EMC7: variants seen among roughly 807,000 people sequenced by gnomAD.
EMC7 encodes endoplasmic reticulum membrane protein complex subunit 7.
A neutral mutation model predicts 24.4 loss-of-function variants in EMC7; 4 were observed. The observed-to-expected ratio is 0.16, with a 90% CI of 0.08 to 0.38. EMC7 has a LOEUF of 0.38. Ranked by LOEUF, EMC7 falls within the 10% of genes least tolerant of loss-of-function variation. EMC7 has a pLI of 1.00. For synonymous variants in EMC7, 106 were observed against 112.0 expected (o/e 0.95, Z 0.34); for missense variants, 221 against 300.6 (o/e 0.74, Z 1.96).
chr15:34,094,642 C>T (rs570144813), intron 2 of EMC7, among the ~76,000 whole-genome samples: 23 of 151,708 alleles, frequency 1.5e-4, no homozygotes, highest in African/African-American at 5.6e-4. Flanking sequence ...GCAGAGGATG[C>T]AATGAGCCAA....
chr15:34,091,392 C>T (rs1223726490), intron 2 of EMC7, among the ~76,000 whole-genome samples: 2 of 151,922 alleles, frequency 1.3e-5, no homozygotes, highest in African/African-American at 4.8e-5. Flanking sequence ...CTTTATTTAC[C>T]TTTATTTAAG....
chr15:34,096,161 T>C, intron 1 of EMC7, 147 bp from the exon 2 acceptor site: 2 of 916,506 alleles, frequency 2.2e-6, no homozygotes, highest in East Asian at 2.8e-5. Context: ...AGTTGTCCTA[T>C]GCTTCAGTTT....
chr15:34,088,198 C>A (rs1900920520), intron 3 of EMC7, 65 bp from the exon 4 acceptor site: 1 of 1,310,360 alleles, frequency 7.6e-7, no homozygotes, highest in African/African-American at 1.5e-5. Context: ...ACAAAAACTG[C>A]ACTTAACAAC....
Position 34,101,689 on chromosome 15 carries a change from C to G in EMC7, c.151G>C (p.Ala51Pro). 6.2e-7 allele frequency: 1 copy of G among 1,613,860 alleles called. No homozygotes were observed. Among genetic ancestry groups the G allele is most frequent in the Non-Finnish European group, 8.5e-7 (1 of 1,179,982 alleles). Residue 51 changes from alanine (A) to proline (P), a missense_variant, in exon 1 of 5, where the codon GCA becomes CCA. Around this residue, in one of 2 missense-constraint regions of EMC7, gnomAD observed 156 missense variants for 177.1 expected, o/e 0.88. Coordinates refer to ENST00000256545, the MANE Select transcript of EMC7 (RefSeq NM_020154.3). ...IGDRFKIEGR[A>P]VVPGVKPQDW... ...TGAGGCTTCACCCCTGGAACAACTG[C>G]ACGCCCCTCAATCTTGAAGCGATCT...
chr15:34,093,438 TA>T (rs11325671), intron 2 of EMC7, among the ~76,000 whole-genome samples: 140,674 of 143,328 alleles, frequency 0.98, 69,042 homozygotes, highest in East Asian at 1. Flanking sequence ...TGTCTCAAAT[TA>T]AAAAAAAAAA....
At chr15:34,098,918 A>C (rs1475229666) in intron 1 of EMC7, among the ~76,000 whole-genome samples, 1 of 151,534 alleles carries the variant, frequency 6.6e-6, no homozygotes, top group Non-Finnish European at 1.5e-5. Context: ...AAATAACATA[A>C]AGTTTGCAAT....
intron 2 of EMC7, among the ~76,000 whole-genome samples, chr15:34,092,749 T>A (rs979506888): frequency 2.6e-5 from 4 of 152,164 alleles, no homozygotes; most frequent in African/African-American, 9.7e-5. Context: ...AGAACATGAA[T>A]CCCACTGCTG....
chr15:34,089,596 CCTTA>C (rs1900946691), intron 3 of EMC7, among the ~76,000 whole-genome samples: 1 of 152,162 alleles, frequency 6.6e-6, no homozygotes, highest in African/African-American at 2.4e-5. Flanking sequence ...AGGAAGAAAT[CCTTA>C]CTTGTGCTAT....
chr15:34,087,969 G>T, intron 4 of EMC7, 84 bp downstream of exon 4: 1 of 1,209,790 alleles, frequency 8.3e-7, no homozygotes, highest in Non-Finnish European at 1.2e-6. Flanking sequence ...CACTCAAACT[G>T]ATTGTGCCAC....
At chr15:34,097,554 T>C (rs1901096856) in intron 1 of EMC7, among the ~76,000 whole-genome samples, 1 of 152,136 alleles carries the variant, frequency 6.6e-6, no homozygotes, top group Non-Finnish European at 1.5e-5. Context: ...ATTAATTTGT[T>C]TGAAAAATGA....
chr15:34,094,658 C>A (rs1036395562), intron 2 of EMC7, among the ~76,000 whole-genome samples: 9 of 151,784 alleles, frequency 5.9e-5, no homozygotes, highest in East Asian at 3.9e-4. Context: ...GCCAAGATTG[C>A]GCCACTGCAC....
intron 1 of EMC7, among the ~76,000 whole-genome samples, chr15:34,097,036 C>CTTTTTTTTT (rs1320707154): frequency 5.5e-4 from 7 of 12,662 alleles, no homozygotes; most frequent in Non-Finnish European, 1.1e-3. Context: ...TTCTGTTCTT[C>CTTTTTTTTT]TTCTTTTTTT....
At chr15:34,100,210 G>A (rs1038320522) in intron 1 of EMC7, among the ~76,000 whole-genome samples, 3 of 152,262 alleles carry the variant, frequency 2.0e-5, no homozygotes, top group Admixed American at 1.3e-4. Flanking sequence ...ACATGATGGT[G>A]TCCGCCTGTA....
At chr15:34,089,164 C>T (rs760036980) in intron 3 of EMC7, among the ~76,000 whole-genome samples, 1 of 152,232 alleles carries the variant, frequency 6.6e-6, no homozygotes, top group East Asian at 1.9e-4. Context: ...CCTACTTAGA[C>T]AAATTCTAAG....
At chr15:34,086,748 A>G (rs991128029) in intron 4 of EMC7, among the ~76,000 whole-genome samples, 17 of 152,236 alleles carry the variant, frequency 1.1e-4, no homozygotes, top group Admixed American at 1.0e-3. Flanking sequence ...TTTTAATCAA[A>G]TGTGACTTCT....
chr15:34,088,067 G>T lies in EMC7; in HGVS notation c.562C>A (p.Pro188Thr). The change falls in exon 4 of 5, where the codon CCT (proline) becomes ACT (threonine). Residue 188 changes from proline (P) to threonine (T), a missense_variant. Pro to Thr is a conservative substitution (Grantham distance 38). Coordinates refer to ENST00000256545, the MANE Select transcript of EMC7 (RefSeq NM_020154.3). ...CATCATCTTACCCGTCTCATGTCAG[G>T]ATCACTTGTGTTGACCACTTTAGGC... ...LLPKVVNTSD[P>T]DMRREMEQSM... The T allele has an allele frequency of 6.2e-7, 1 of 1,609,974 alleles. No homozygotes were observed. The highest frequency in any genetic ancestry group is 8.5e-7 in the Non-Finnish European group (1 of 1,178,682).
intron 1 of EMC7, among the ~76,000 whole-genome samples, chr15:34,099,967 T>C (rs781389714): frequency 6.6e-6 from 1 of 152,180 alleles, no homozygotes; most frequent in Non-Finnish European, 1.5e-5. Flanking sequence ...TGTTCAAAAA[T>C]ATTAAGTGAA....
At chr15:34,090,665 C>T (rs76849149) in intron 2 of EMC7, among the ~76,000 whole-genome samples, 3,379 of 152,238 alleles carry the variant, frequency 0.022, 130 homozygotes, top group African/African-American at 0.077. Flanking sequence ...GAAAAAAACG[C>T]TAGACTTGGA....
chr15:34,100,617 T>C (rs1901158886), intron 1 of EMC7: 1 of 152,184 alleles, frequency 6.6e-6, no homozygotes, highest in Non-Finnish European at 1.5e-5. Context: ...TATTTATTAA[T>C]CTGAGGTTGA....
Sources: allele counts gnomAD v4.1 joint callset (sites outside exome capture counted in the v4.1 genomes callset), GRCh38; gene constraint gnomAD v4.1.1; regional missense constraint gnomAD v4.1.1; transcripts MANE v1.5; gene names NCBI Gene and HGNC (gene_info 2026-07-23, HGNC 2026-07-21).